FSTL4: variants seen among roughly 807,000 people sequenced by gnomAD.
FSTL4 encodes the protein follistatin-related protein 4.
Under a neutral mutation model 78.2 loss-of-function variants are expected in FSTL4, and 28 were observed. The ratio of observed to expected loss-of-function variants is 0.36; its 90% CI spans 0.27 to 0.49. The LOEUF is 0.49. Among genes scored for constraint, FSTL4 ranks in the 20% least tolerant of loss-of-function variants. The pLI is 0.98. For synonymous variants in FSTL4, 422 were observed against 440.5 expected (o/e 0.96, Z 0.53); for missense variants, 922 against 1,084.9 (o/e 0.85, Z 2.11).
At chr5:133,837,366 A>G in the FSTL4 span, among the ~76,000 whole-genome samples, 2 of 151,986 alleles carry the variant, frequency 1.3e-5, no homozygotes, top group East Asian at 3.9e-4. Flanking sequence ...ATGATGGATA[A>G]CTCCAATTTC....
At chr5:133,325,258 C>T (rs1362879002) in intron 4 of FSTL4, among the ~76,000 whole-genome samples, 2 of 152,086 alleles carry the variant, frequency 1.3e-5, no homozygotes, top group South Asian at 4.1e-4. Context: ...TTTGCCCCGG[C>T]TCTGATCAGT....
chr5:133,221,917 T>TTTTTTTTG (rs1751143314), intron 11 of FSTL4, among the ~76,000 whole-genome samples: 2 of 124,968 alleles, frequency 1.6e-5, no homozygotes, highest in East Asian at 2.1e-4. Context: ...TTTTTTTTTT[T>TTTTTTTTG]TTTTTTTTTT....
the FSTL4 span, among the ~76,000 whole-genome samples, chr5:133,792,760 A>T: frequency 1.3e-5 from 2 of 152,360 alleles, no homozygotes; most frequent in Admixed American, 1.3e-4. Flanking sequence ...ATTAAATGAG[A>T]CATCCCTCCT....
the FSTL4 span, among the ~76,000 whole-genome samples, chr5:133,785,742 G>T: frequency 1.3e-5 from 2 of 152,206 alleles, no homozygotes; most frequent in East Asian, 1.9e-4. Flanking sequence ...GTGAGGTTGG[G>T]TTCTTTCAGA....
intron 4 of FSTL4, among the ~76,000 whole-genome samples, chr5:133,360,473 ATT>A (rs57176651): frequency 0.13 from 17,382 of 130,314 alleles, 1,109 homozygotes; most frequent in African/African-American, 0.24. Context: ...TCAGGCAATA[ATT>A]TTTTTTTTTT....
At chr5:133,308,636 T>A (rs1004121368) in intron 6 of FSTL4, among the ~76,000 whole-genome samples, 3 of 152,206 alleles carry the variant, frequency 2.0e-5, no homozygotes, top group Non-Finnish European at 4.4e-5. Context: ...AACTGCACCA[T>A]CCCTTCACTT....
chr5:133,581,555 G>A (rs1489266506), intron 2 of FSTL4, among the ~76,000 whole-genome samples: 4 of 152,250 alleles, frequency 2.6e-5, no homozygotes, highest in African/African-American at 9.6e-5. Context: ...TTGTGCCTGG[G>A]CAAAGGCACA....
intron 3 of FSTL4, among the ~76,000 whole-genome samples, chr5:133,478,759 T>C (rs768525513): frequency 1.3e-5 from 2 of 151,980 alleles, no homozygotes; most frequent in African/African-American, 2.4e-5. Flanking sequence ...CACACACGAG[T>C]GCAGTTTCTG....
intron 3 of FSTL4, among the ~76,000 whole-genome samples, chr5:133,485,573 A>G (rs913802393): frequency 6.6e-6 from 1 of 152,236 alleles, no homozygotes; most frequent in Non-Finnish European, 1.5e-5. Context: ...AGAGAGGTAA[A>G]TGATTTATAA....
the FSTL4 span, among the ~76,000 whole-genome samples, chr5:133,656,158 C>T: frequency 6.6e-6 from 1 of 151,942 alleles, no homozygotes; most frequent in South Asian, 2.1e-4. Context: ...TCTCAGGAGG[C>T]CCTGGTAGGG....
chr5:133,451,831 T>C (rs1438506579), intron 3 of FSTL4, among the ~76,000 whole-genome samples: 2 of 152,208 alleles, frequency 1.3e-5, no homozygotes, highest in Admixed American at 1.3e-4. Context: ...TGAATATTTC[T>C]GTTTGTCTGG....
At chr5:133,288,427 G>T (rs1753186232) in intron 6 of FSTL4, among the ~76,000 whole-genome samples, 1 of 152,196 alleles carries the variant, frequency 6.6e-6, no homozygotes, top group South Asian at 2.1e-4. Flanking sequence ...GTCTGCCCAG[G>T]CCCCACTCCT....
chr5:133,734,915 C>A, the FSTL4 span, among the ~76,000 whole-genome samples: 6 of 152,200 alleles, frequency 3.9e-5, no homozygotes, highest in East Asian at 7.7e-4. Context: ...TGTACGTAAA[C>A]CCTCACCATC....
the FSTL4 span, among the ~76,000 whole-genome samples, chr5:133,823,511 C>T: frequency 2.1e-4 from 32 of 152,296 alleles, no homozygotes; most frequent in African/African-American, 7.5e-4. Context: ...GGAGATCTCA[C>T]TGGAAGCCAG....
intron 4 of FSTL4, among the ~76,000 whole-genome samples, chr5:133,394,450 G>A (rs1211871965): frequency 3.3e-5 from 5 of 152,206 alleles, no homozygotes; most frequent in East Asian, 1.9e-4. Flanking sequence ...CACTCACAGC[G>A]GCCAGCTGGC....
At chr5:133,360,602 C>T (rs1755047556) in intron 4 of FSTL4, among the ~76,000 whole-genome samples, 1 of 151,646 alleles carries the variant, frequency 6.6e-6, no homozygotes, top group South Asian at 2.1e-4. Context: ...AGCAAAGTTC[C>T]TATTGATGTG....
chr5:133,255,418 G>A (rs1581573731), intron 6 of FSTL4, among the ~76,000 whole-genome samples: 1 of 152,234 alleles, frequency 6.6e-6, no homozygotes, highest in Non-Finnish European at 1.5e-5. Flanking sequence ...AAAGCTCAGG[G>A]CTTCCCATGA....
chr5:133,316,580 G>T lies in FSTL4; in HGVS notation c.482C>A (p.Pro161Gln). ...TTGTCTGCTGTCTCCTTCTTGGAGT[G>T]GCTGCAGACGGGTCTGGAGTGCCAG... is the stretch of plus-strand genomic sequence containing the variant. Reference protein sequence around the residue: ...VLLALQTRLQPLQEGDSRQDP... With the variant: ...VLLALQTRLQQLQEGDSRQDP... The change falls in exon 5 of 16, where the codon CCA (proline) becomes CAA (glutamine). Residue 161 changes from proline to glutamine, a missense_variant. By Grantham distance (76) the Pro-to-Gln change is moderately conservative. Transcript: ENST00000265342. The T allele has an allele frequency of 6.2e-7, 1 of 1,614,112 alleles. No homozygotes were observed. The highest frequency in any genetic ancestry group is 1.7e-5 in the Admixed American group (1 of 60,026).
chr5:133,489,776 TC>T (rs1758219660), intron 3 of FSTL4, among the ~76,000 whole-genome samples: 3 of 151,978 alleles, frequency 2.0e-5, no homozygotes, highest in Non-Finnish European at 2.9e-5. Context: ...CCTGATGCCC[TC>T]CCTAGGTGGT....
Sources: allele counts gnomAD v4.1 joint callset (sites outside exome capture counted in the v4.1 genomes callset), GRCh38; gene constraint gnomAD v4.1.1; transcripts MANE v1.5; gene names NCBI Gene and HGNC (gene_info 2026-07-23, HGNC 2026-07-21).